UBE2V1: variants seen among roughly 807,000 people sequenced by gnomAD.
The protein encoded by UBE2V1 is ubiquitin-conjugating enzyme E2 variant 1.
A neutral mutation model predicts 19.6 loss-of-function variants in UBE2V1; 15 were observed. That is an observed-to-expected ratio of 0.77 (90% CI 0.51 to 1.18). The LOEUF is 1.18. UBE2V1 is among the 50% of genes most tolerant of loss of function. The pLI is 0.00. For synonymous variants in UBE2V1, 60 were observed against 60.7 expected (o/e 0.99, Z 0.05); for missense variants, 125 against 184.8 (o/e 0.68, Z 1.88).
chr20:50,095,632 G>T (rs561526051), intron 2 of UBE2V1, among the ~76,000 whole-genome samples: 1 of 152,204 alleles, frequency 6.6e-6, no homozygotes, highest in Non-Finnish European at 1.5e-5. Context: ...TGCTCTCACA[G>T]TGCTAGTGCA....
At chr20:50,107,072 G>C (rs2080435693) in intron 1 of UBE2V1, among the ~76,000 whole-genome samples, 1 of 152,182 alleles carries the variant, frequency 6.6e-6, no homozygotes, top group South Asian at 2.1e-4. Flanking sequence ...ACTGGACATA[G>C]AGCCATAAGC....
In UBE2V1 at chr20:50,097,256, G is replaced by C. The variant is rs949255659; in HGVS notation, c.23-436C>G. 2.0e-5 allele frequency among the ~76,000 whole-genome samples: 3 copies of C among 152,172 alleles called. No individual in the cohort carries two copies. The South Asian group carries it at 6.2e-4, about 31-fold the overall frequency. Reference sequence around the variant, plus strand: ...TCTCAAACAACCTTTAGGAGGAATAGTCACCATGGATATGGGAAATAAAAA... The same window carrying C: ...TCTCAAACAACCTTTAGGAGGAATACTCACCATGGATATGGGAAATAAAAA... On this transcript the variant is annotated intron_variant, in intron 1 of 3. Transcript: ENST00000371674.
chr20:50,114,262 G>C (rs1363698984), upstream of UBE2V1, among the ~76,000 whole-genome samples: 2 of 152,134 alleles, frequency 1.3e-5, no homozygotes, highest in Non-Finnish European at 2.9e-5. Flanking sequence ...TAAACATAGA[G>C]GGACAAGGAA....
chr20:50,102,066 T>A (rs61069187), intron 1 of UBE2V1, among the ~76,000 whole-genome samples: 1 of 152,100 alleles, frequency 6.6e-6, no homozygotes, highest in Admixed American at 6.5e-5. Context: ...ATGATCAGCT[T>A]TGGGGTGTGC....
chr20:50,103,612 G>T (rs1175172739), intron 1 of UBE2V1, among the ~76,000 whole-genome samples: 1 of 152,062 alleles, frequency 6.6e-6, no homozygotes, highest in Non-Finnish European at 1.5e-5. Context: ...TACCATGTTG[G>T]CTAGGCTGGT....
intron 1 of UBE2V1, among the ~76,000 whole-genome samples, chr20:50,110,065 T>A (rs144182450): frequency 3.3e-5 from 5 of 152,244 alleles, no homozygotes; most frequent in Non-Finnish European, 7.3e-5. Flanking sequence ...AATGTGCATA[T>A]GAGGCCACTC....
intron 1 of UBE2V1, among the ~76,000 whole-genome samples, chr20:50,102,261 A>AC (rs1358319033): frequency 6.6e-6 from 1 of 152,242 alleles, no homozygotes; most frequent in Non-Finnish European, 1.5e-5. Flanking sequence ...TCAAAAAACA[A>AC]CAACAACAAA....
intron 1 of UBE2V1, among the ~76,000 whole-genome samples, chr20:50,110,232 A>C (rs1312232371): frequency 6.6e-6 from 1 of 152,230 alleles, no homozygotes; most frequent in African/African-American, 2.4e-5. Context: ...TGGCCAAGGC[A>C]GGAGGAAGTC....
chr20:50,086,222 C>T (rs775061198), intron 2 of UBE2V1, among the ~76,000 whole-genome samples: 1 of 152,164 alleles, frequency 6.6e-6, no homozygotes, highest in Non-Finnish European at 1.5e-5. Flanking sequence ...AAGTTCTCTC[C>T]ACCTTGGGGC....
In UBE2V1 at chr20:50,093,975, G is replaced by A. The variant is rs191216907; in HGVS notation, c.171+2697C>T. On this transcript the variant is annotated intron_variant, in intron 2 of 3. Coordinates refer to ENST00000371674, the MANE Select transcript of UBE2V1 (RefSeq NM_001032288.3). ...TGCACTCCAGCCTGGGAGACAGAGCGAGACTCCAACTCAAAAAAAAAAAAA... is the reference window on the plus strand; with the variant it reads ...TGCACTCCAGCCTGGGAGACAGAGCAAGACTCCAACTCAAAAAAAAAAAAA... Among the ~76,000 whole-genome samples, 438 of 95,520 alleles carry A rather than the reference G, an allele frequency of 4.6e-3. 6 individuals carry two copies. The highest frequency in any genetic ancestry group is 0.018 in the African/African-American group (423 of 23,714). 62.7% of individuals were successfully genotyped at this position (95,520 alleles called of 152,430 possible). A position where few individuals can be genotyped will look rare whatever the true frequency, so the allele number is the denominator to read the frequency against.
chr20:50,111,189 C>G (rs982280008), intron 1 of UBE2V1: 1 of 950,784 alleles, frequency 1.1e-6, no homozygotes, highest in Non-Finnish European at 1.3e-6. Flanking sequence ...CACCTCAAAG[C>G]CTGTCCTATG....
chr20:50,084,891 C>CTTTTTTTTTTTT, intron 2 of UBE2V1: 1 of 109,026 alleles, frequency 9.2e-6, no homozygotes, highest in Non-Finnish European at 1.8e-5. Context: ...GAAAAGCAGT[C>CTTTTTTTTTTTT]TTTTTTTTTT....
intron 2 of UBE2V1, among the ~76,000 whole-genome samples, chr20:50,085,253 C>T (rs143543295): frequency 6.6e-6 from 1 of 152,060 alleles, no homozygotes; most frequent in African/African-American, 2.4e-5. Flanking sequence ...AAGTCCAACC[C>T]CCTATGCCAA....
At chr20:50,110,378 G>A (rs1328531425) in intron 1 of UBE2V1, among the ~76,000 whole-genome samples, 2 of 152,212 alleles carry the variant, frequency 1.3e-5, no homozygotes, top group African/African-American at 4.8e-5. Context: ...TGAAAGCAGT[G>A]ACCATAAAAA....
In UBE2V1 at chr20:50,084,185, A is replaced by C. The variant is rs761220005; in HGVS notation, c.241T>G (p.Phe81Val). 1 of 1,609,144 alleles carries C rather than the reference A, an allele frequency of 6.2e-7. No homozygotes were observed. Reference protein sequence around the residue: ...CGPKYPEAPPFVRFVTKINMN... With the variant: ...CGPKYPEAPPVVRFVTKINMN... Reference sequence around the variant, plus strand: ...TTAATTTTTGTTACAAATCTTACAAAGGGGGGTGCTTCTGGGTATTTAGGT... The same window carrying C: ...TTAATTTTTGTTACAAATCTTACAACGGGGGGTGCTTCTGGGTATTTAGGT... Residue 81 changes from phenylalanine (F) to valine (V), a missense_variant, in exon 3 of 4, where the codon TTT becomes GTT. Phe to Val is a conservative substitution (Grantham distance 50, BLOSUM62 -1). Coordinates refer to ENST00000371674, the MANE Select transcript of UBE2V1 (RefSeq NM_001032288.3).
chr20:50,109,065 C>T (rs935848332), intron 1 of UBE2V1: 16 of 985,304 alleles, frequency 1.6e-5, no homozygotes, highest in Non-Finnish European at 1.8e-5. Context: ...GCTTTTGGCT[C>T]CTCCCTCAGT....
intron 2 of UBE2V1, among the ~76,000 whole-genome samples, chr20:50,095,632 G>A (rs561526051): frequency 2.4e-4 from 36 of 152,204 alleles, no homozygotes; most frequent in Non-Finnish European, 4.7e-4. Context: ...TGCTCTCACA[G>A]TGCTAGTGCA....
chr20:50,109,556 C>A (rs1041677654), intron 1 of UBE2V1, among the ~76,000 whole-genome samples: 1 of 152,066 alleles, frequency 6.6e-6, no homozygotes, highest in African/African-American at 2.4e-5. Context: ...TGAGACCAGA[C>A]TGACCAACAT....
intron 2 of UBE2V1, among the ~76,000 whole-genome samples, chr20:50,087,463 T>A (rs914756492): frequency 6.6e-6 from 1 of 152,066 alleles, no homozygotes. Context: ...CTGGTTTTTT[T>A]ATTTTGTTCA....
Sources: gnomAD v4.1 joint callset for allele counts (sites outside exome capture counted in the v4.1 genomes callset) on GRCh38, gnomAD v4.1.1 for gene constraint, MANE v1.5 for transcripts, NCBI Gene and HGNC (gene_info 2026-07-23, HGNC 2026-07-21) for gene names.